The following SYNPR variants were observed in gnomAD, a reference collection of about 807,000 sequenced individuals.
SYNPR encodes the protein synaptoporin.
In SYNPR, 23 loss-of-function variants were observed where a neutral mutation model predicts 32.9. That is an observed-to-expected ratio of 0.70 (90% CI 0.50 to 0.99). SYNPR has a LOEUF of 0.99. SYNPR is among the 50% of genes least tolerant of loss of function. SYNPR has a pLI of 0.00. For synonymous variants in SYNPR, 146 were observed against 135.9 expected, an observed-to-expected ratio of 1.07 and a Z score of -0.52; for missense variants, 318 against 349.3, an observed-to-expected ratio of 0.91 and a Z score of 0.71.
chr3:63,431,261 T>A (rs1699988342), intron 2 of SYNPR, among the ~76,000 whole-genome samples: 2 of 152,242 alleles, frequency 1.3e-5, no homozygotes, highest in South Asian at 4.1e-4. Flanking sequence ...ACACTAGAAA[T>A]CAATAACATT....
intron 2 of SYNPR, among the ~76,000 whole-genome samples, chr3:63,470,286 A>G (rs1700771366): frequency 6.6e-6 from 1 of 152,188 alleles, no homozygotes; most frequent in African/African-American, 2.4e-5. Context: ...ACTTTTCTGT[A>G]CTGCTACTCA....
chr3:63,291,389 CAGAG>C (rs3082097), intron 2 of SYNPR, among the ~76,000 whole-genome samples: 48,111 of 151,704 alleles, frequency 0.32, 7,913 homozygotes, highest in South Asian at 0.46. Flanking sequence ...TCCACTTTAT[CAGAG>C]AGGGCTCGGT....
intron 2 of SYNPR, among the ~76,000 whole-genome samples, chr3:63,475,601 G>A (rs765598241): frequency 2.0e-5 from 3 of 152,058 alleles, no homozygotes; most frequent in South Asian, 4.2e-4. Flanking sequence ...AGCATAGCGC[G>A]CACACACACC....
chr3:63,545,848 C>A (rs191110796), intron 3 of SYNPR, among the ~76,000 whole-genome samples: 9 of 152,038 alleles, frequency 5.9e-5, no homozygotes, highest in Non-Finnish European at 1.2e-4. Context: ...AAATTCTAAA[C>A]AAAAGGTCAG....
intron 2 of SYNPR, among the ~76,000 whole-genome samples, chr3:63,388,997 G>C (rs2088094653): frequency 6.6e-6 from 1 of 152,130 alleles, no homozygotes; most frequent in African/African-American, 2.4e-5. Context: ...TGCATAAGGA[G>C]ATTTAGAGTT....
chr3:63,437,272 C>A (rs1329880452), intron 2 of SYNPR, among the ~76,000 whole-genome samples: 1 of 152,164 alleles, frequency 6.6e-6, no homozygotes, highest in East Asian at 1.9e-4. Context: ...AAGGGTATCA[C>A]TCTCATCCTT....
chr3:63,388,556 T>TTGTGTGTGTGTGTGTG lies in SYNPR; in HGVS notation c.85-92252_85-92237dup, dbSNP rs749669898. Among the ~76,000 whole-genome samples the TTGTGTGTGTGTGTGTG allele has an allele frequency of 2.6e-3, 335 of 128,076 alleles. 1 individual carries two copies. The highest frequency in any genetic ancestry group is 4.5e-3 in the African/African-American group (154 of 33,848). The allele number at this position is 128,076 out of a possible 152,430, so 84.0% of individuals were successfully genotyped here. A position where few individuals can be genotyped will look rare whatever the true frequency, so the allele number is the denominator to read the frequency against. The stretch of plus-strand genomic sequence containing the variant: ...GCGCACACCACCACACCCGGCTAAT[T>TTGTGTGTGTGTGTGTG]TGTGTGTGTGTGTGTGTGTGTGTGT... On this transcript the variant is annotated intron_variant, in intron 2 of 5. Coordinates refer to ENST00000478300, the MANE Select transcript of SYNPR (RefSeq NM_001130003.2).
chr3:63,404,269 A>T (rs1306573265), intron 2 of SYNPR, among the ~76,000 whole-genome samples: 1 of 152,202 alleles, frequency 6.6e-6, no homozygotes, highest in African/African-American at 2.4e-5. Flanking sequence ...ATGTGATGTG[A>T]ATGATGTTTT....
chr3:63,345,008 G>C (rs905787822), intron 2 of SYNPR, among the ~76,000 whole-genome samples: 31 of 152,154 alleles, frequency 2.0e-4, no homozygotes, highest in Admixed American at 6.5e-4. Flanking sequence ...AGTCTGAAAA[G>C]TATCTCAAAT....
chr3:63,502,835 A>C (rs761715719), intron 3 of SYNPR, among the ~76,000 whole-genome samples: 1 of 152,124 alleles, frequency 6.6e-6, no homozygotes, highest in Non-Finnish European at 1.5e-5. Context: ...AGCACTTAAT[A>C]ATATTCCATT....
chr3:63,611,203 A>C (rs1233849526), intron 5 of SYNPR, among the ~76,000 whole-genome samples: 3 of 152,258 alleles, frequency 2.0e-5, no homozygotes, highest in African/African-American at 7.2e-5. Context: ...AACCTGAAGA[A>C]ACAGGTTCTA....
chr3:63,325,386 T>C (rs2087154787), intron 2 of SYNPR, among the ~76,000 whole-genome samples: 1 of 151,984 alleles, frequency 6.6e-6, no homozygotes, highest in African/African-American at 2.4e-5. Context: ...TACCTAGTGG[T>C]CAGAACATCA....
At chr3:63,541,259 T>A (rs982105277) in intron 3 of SYNPR, among the ~76,000 whole-genome samples, 3 of 151,474 alleles carry the variant, frequency 2.0e-5, no homozygotes, top group Non-Finnish European at 2.9e-5. Context: ...TTGGACTCAG[T>A]CTTGACAATA....
At chr3:63,410,675 C>T (rs1382044288) in intron 2 of SYNPR, among the ~76,000 whole-genome samples, 2 of 152,174 alleles carry the variant, frequency 1.3e-5, no homozygotes, top group African/African-American at 4.8e-5. Flanking sequence ...TAAAAACTCA[C>T]TTCCAGCCTC....
rs1265612093 is a variant in SYNPR at position 63,552,400 on chromosome 3, G to T, written c.210-4143G>T. Among the ~76,000 whole-genome samples the T allele has an allele frequency of 4.6e-5, 7 of 152,270 alleles. No homozygotes were observed. The East Asian group carries it at 1.4e-3, about 29-fold the overall frequency. On this transcript the variant is annotated intron_variant, in intron 3 of 5. Coordinates refer to ENST00000478300, the MANE Select transcript of SYNPR (RefSeq NM_001130003.2). ...GAAGATTCTAATATCACTGGCAAGGGTAGGAAAGGGGCTCTATGATATAAC... is the reference window on the plus strand; with the variant it reads ...GAAGATTCTAATATCACTGGCAAGGTTAGGAAAGGGGCTCTATGATATAAC...
the SYNPR span, among the ~76,000 whole-genome samples, chr3:63,221,928 T>G: frequency 4.0e-5 from 6 of 151,128 alleles, no homozygotes; most frequent in Admixed American, 4.0e-4. Flanking sequence ...GATCCATAAA[T>G]GGTGGCTGAT....
chr3:63,539,914 G>A (rs993627223), intron 3 of SYNPR, among the ~76,000 whole-genome samples: 9 of 152,064 alleles, frequency 5.9e-5, no homozygotes, highest in African/African-American at 2.2e-4. Context: ...AGGGTTTTAG[G>A]GCTGAATCCA....
intron 2 of SYNPR, among the ~76,000 whole-genome samples, chr3:63,406,291 A>C (rs2107108804): frequency 6.6e-6 from 1 of 152,228 alleles, no homozygotes; most frequent in African/African-American, 2.4e-5. Context: ...TTTTTGTTGT[A>C]GAAAAAAACA....
rs1442172858 is a variant in SYNPR at position 63,524,842 on chromosome 3, T to TGCGC, written c.210-31700_210-31699insCGCG. ...TAATAGAAGTGTGTGTGTGTGTGTGTGTGTGTGTGCATGTGTGTGTGTGTG... is the reference window on the plus strand; with the variant it reads ...TAATAGAAGTGTGTGTGTGTGTGTGTGCGCGTGTGTGTGCATGTGTGTGTGTGTG... On this transcript the variant is annotated intron_variant, in intron 3 of 5. Coordinates refer to ENST00000478300, the MANE Select transcript of SYNPR (RefSeq NM_001130003.2). Among the ~76,000 whole-genome samples the TGCGC allele has an allele frequency of 2.6e-3, 345 of 135,208 alleles. 4 individuals carry two copies. Among genetic ancestry groups the TGCGC allele is most frequent in the Middle Eastern group, 3.8e-3 (1 of 262 alleles). 88.7% of individuals were successfully genotyped at this position (135,208 alleles called of 152,430 possible). A position where few individuals can be genotyped will look rare whatever the true frequency, so the allele number is the denominator to read the frequency against.
Sources: allele counts gnomAD v4.1 joint callset (sites outside exome capture counted in the v4.1 genomes callset), GRCh38; gene constraint gnomAD v4.1.1; transcripts MANE v1.5; gene names NCBI Gene and HGNC (gene_info 2026-07-23, HGNC 2026-07-21).